The following FGGY variants were observed in gnomAD, a reference collection of about 807,000 sequenced individuals.
FGGY encodes FGGY carbohydrate kinase domain containing.
FGGY carries 72 observed loss-of-function variants against 71.3 expected under a neutral mutation model. The ratio of observed to expected loss-of-function variants is 1.01; its 90% confidence interval spans 0.84 to 1.23. FGGY has a LOEUF of 1.23. Ranked by LOEUF, FGGY falls within the 50% of genes most tolerant of loss-of-function variation. The pLI is 0.00. For synonymous variants in FGGY, 251 were observed against 250.3 expected, an observed-to-expected ratio of 1.00 and a Z score of -0.02; for missense variants, 668 against 682.3, an observed-to-expected ratio of 0.98 and a Z score of 0.23.
intron 2 of FGGY, among the ~76,000 whole-genome samples, chr1:59,324,176 A>G (rs1349238185): frequency 6.6e-6 from 1 of 152,134 alleles, no homozygotes; most frequent in African/African-American, 2.4e-5. Flanking sequence ...TGATGATGAC[A>G]AAGACAGCTA....
At position 59,430,959 on chromosome 1, in the gene FGGY, A is replaced by G. The variant is rs555739936; in HGVS notation, c.555-26002A>G. ...TTCTTTCTGTGTTTTCTATCATGGTAAAGGTGCTGTGATCCAATAACTCAA... is the reference window on the plus strand; with the variant it reads ...TTCTTTCTGTGTTTTCTATCATGGTGAAGGTGCTGTGATCCAATAACTCAA... On this transcript the variant is annotated intron_variant, in intron 5 of 15. Coordinates refer to ENST00000303721, the MANE Select transcript of FGGY (RefSeq NM_018291.5). Among the ~76,000 whole-genome samples the G allele has an allele frequency of 5.3e-5, 8 of 152,256 alleles. No individual in the cohort carries two copies. In the East Asian group the frequency reaches 1.5e-3, roughly 29 times the overall value.
intron 8 of FGGY, among the ~76,000 whole-genome samples, chr1:59,586,307 A>G (rs550464300): frequency 2.0e-5 from 3 of 152,346 alleles, no homozygotes; most frequent in East Asian, 1.9e-4. Flanking sequence ...TGGCAAATAT[A>G]CACCATGGAA....
At chr1:59,348,583 C>G (rs1247283958) in intron 4 of FGGY, among the ~76,000 whole-genome samples, 1 of 152,066 alleles carries the variant, frequency 6.6e-6, no homozygotes, top group South Asian at 2.1e-4. Flanking sequence ...TGAGCATGAC[C>G]TGCTGTGATT....
intron 6 of FGGY, among the ~76,000 whole-genome samples, chr1:59,489,832 C>A (rs2093770394): frequency 6.6e-6 from 1 of 152,078 alleles, no homozygotes; most frequent in Non-Finnish European, 1.5e-5. Flanking sequence ...ACATTCCCAC[C>A]AATAGTGTAA....
intron 5 of FGGY, among the ~76,000 whole-genome samples, chr1:59,379,070 T>C (rs772259780): frequency 6.6e-6 from 1 of 151,906 alleles, no homozygotes; most frequent in Non-Finnish European, 1.5e-5. Flanking sequence ...TTCATTAAAA[T>C]TGGTCATATT....
intron 8 of FGGY, among the ~76,000 whole-genome samples, chr1:59,583,034 C>A (rs1419892463): frequency 6.9e-6 from 1 of 144,642 alleles, no homozygotes; most frequent in Admixed American, 6.7e-5. Context: ...TTGAGCTTCA[C>A]CAGGAACATC....
chr1:59,547,501 G>C (rs2095545116), intron 7 of FGGY, among the ~76,000 whole-genome samples: 1 of 151,920 alleles, frequency 6.6e-6, no homozygotes, highest in Non-Finnish European at 1.5e-5. Flanking sequence ...CCCACCCCGA[G>C]GTCCCCCACA....
At chr1:59,307,313 C>CAAAAAAAAAAAA (rs398049311) in intron 1 of FGGY, among the ~76,000 whole-genome samples, 1 of 67,382 alleles carries the variant, frequency 1.5e-5, no homozygotes. Context: ...GACCCTGTCT[C>CAAAAAAAAAAAA]AAAAAAAAAA....
intron 2 of FGGY, among the ~76,000 whole-genome samples, chr1:59,338,466 G>GT (rs969651453): frequency 1.3e-5 from 2 of 151,846 alleles, no homozygotes; most frequent in African/African-American, 4.8e-5. Flanking sequence ...TGGACCTGTA[G>GT]TTTTTTTATT....
intron 7 of FGGY, among the ~76,000 whole-genome samples, chr1:59,532,037 TA>T (rs1483507985): frequency 1.3e-5 from 2 of 151,790 alleles, no homozygotes; most frequent in African/African-American, 4.8e-5. Flanking sequence ...AAATCAAGAG[TA>T]AAAACAAAGC....
chr1:59,730,994 A>C (rs2098020316), intron 14 of FGGY, among the ~76,000 whole-genome samples: 1 of 152,182 alleles, frequency 6.6e-6, no homozygotes, highest in Non-Finnish European at 1.5e-5. Flanking sequence ...AGTTTAAGTG[A>C]CTCGACAAAA....
intron 8 of FGGY, among the ~76,000 whole-genome samples, chr1:59,575,638 T>C (rs995489431): frequency 3.3e-5 from 5 of 152,194 alleles, no homozygotes; most frequent in Non-Finnish European, 7.3e-5. Context: ...CCTGATCACA[T>C]GGTAATTTGT....
intron 5 of FGGY, among the ~76,000 whole-genome samples, chr1:59,402,630 A>T (rs1412489218): frequency 6.6e-6 from 1 of 152,210 alleles, no homozygotes; most frequent in African/African-American, 2.4e-5. Context: ...AGTATTTGGA[A>T]TAAGCTTGGT....
intron 12 of FGGY, among the ~76,000 whole-genome samples, chr1:59,662,732 A>T (rs555210718): frequency 6.6e-6 from 1 of 152,318 alleles, no homozygotes; most frequent in East Asian, 1.9e-4. Context: ...ATAAGTTTGT[A>T]GCCCAGGTGC....
chr1:59,425,863 G>T (rs1254786196), intron 5 of FGGY, among the ~76,000 whole-genome samples: 1 of 152,120 alleles, frequency 6.6e-6, no homozygotes, highest in African/African-American at 2.4e-5. Flanking sequence ...CCCTGTGGTG[G>T]TATTGGAGCC....
chr1:59,550,637 G>A (rs1270943164), intron 7 of FGGY, among the ~76,000 whole-genome samples: 1 of 152,126 alleles, frequency 6.6e-6, no homozygotes, highest in African/African-American at 2.4e-5. Context: ...CTCTCATTGT[G>A]GGGATGAGAG....
intron 10 of FGGY, among the ~76,000 whole-genome samples, chr1:59,637,386 A>G (rs1420944264): frequency 1.3e-5 from 2 of 152,160 alleles, no homozygotes; most frequent in African/African-American, 4.8e-5. Context: ...TAATCCTAGC[A>G]CTTTGGGAGG....
chr1:59,620,590 ACTT>A (rs757527084), intron 9 of FGGY, among the ~76,000 whole-genome samples: 31 of 151,534 alleles, frequency 2.0e-4, no homozygotes, highest in Non-Finnish European at 4.6e-4. Flanking sequence ...TTCCTTCCTG[ACTT>A]CTTTTGGATT....
At position 59,580,481 on chromosome 1, in the gene FGGY, C is replaced by T. The variant is rs187118535; in HGVS notation, c.903+26254C>T. Among the ~76,000 whole-genome samples, 16 of 152,138 alleles carry T rather than the reference C, an allele frequency of 1.1e-4. No individual in the cohort carries two copies. The South Asian group carries it at 1.7e-3, about 16-fold the overall frequency. ...TCATACAACCTCCTCTGTGACACCG[C>T]GTGAGTCAGATTTAATTCCTCTTTC... On this transcript the variant is annotated intron_variant, in intron 8 of 15. Transcript: ENST00000303721.
Sources: gnomAD v4.1 joint callset for allele counts (sites outside exome capture counted in the v4.1 genomes callset) on GRCh38, gnomAD v4.1.1 for gene constraint, MANE v1.5 for transcripts, NCBI Gene and HGNC (gene_info 2026-07-23, HGNC 2026-07-21) for gene names.